The following CSMD1 variants were observed in gnomAD, a reference collection of about 807,000 sequenced individuals.
The protein encoded by CSMD1 is CUB and sushi domain-containing protein 1.
In CSMD1, 213 loss-of-function variants were observed where a neutral mutation model predicts 417.5. The observed-to-expected ratio is 0.51, with a 90% CI of 0.46 to 0.57. The LOEUF (loss-of-function observed/expected upper bound fraction) is 0.57, where lower values mean the gene tolerates loss of function less well. Ranked by LOEUF, CSMD1 falls within the 20% of genes least tolerant of loss-of-function variation. The probability of loss-of-function intolerance (pLI) is 0.00; values close to 1 mark genes in which losing one functional copy is unlikely to be tolerated. For synonymous variants in CSMD1, 2,862 were observed against 1,736.8 expected (o/e 1.65, Z -16.11); for missense variants, 6,923 against 4,529.7 (o/e 1.53, Z -15.17).
chr8:4,030,442 C>T (rs1407324012), intron 4 of CSMD1, among the ~76,000 whole-genome samples: 2 of 152,234 alleles, frequency 1.3e-5, no homozygotes, highest in Non-Finnish European at 2.9e-5. Flanking sequence ...AGGCTTACAT[C>T]CTCTGATGAC....
chr8:4,163,570 C>G (rs1797287269), intron 3 of CSMD1, among the ~76,000 whole-genome samples: 1 of 152,118 alleles, frequency 6.6e-6, no homozygotes, highest in Admixed American at 6.5e-5. Context: ...TGAATTAAAT[C>G]TAGCTAGATA....
intron 2 of CSMD1, among the ~76,000 whole-genome samples, chr8:4,467,566 T>G (rs1800258833): frequency 6.6e-6 from 1 of 152,222 alleles, no homozygotes; most frequent in African/African-American, 2.4e-5. Context: ...AATTGTTATT[T>G]TAAGAAACAA....
chr8:3,881,387 G>C lies in CSMD1; in HGVS notation c.818+116516C>G, dbSNP rs564261539. On this transcript the variant is annotated intron_variant, in intron 5 of 69. Coordinates refer to ENST00000635120, the MANE Select transcript of CSMD1 (RefSeq NM_033225.6). ...GCGGTGGCTTATGCCTATAATCCCA[G>C]CACTTTGGGAGGCCGAGGCAGGCAG... Among the ~76,000 whole-genome samples the C allele has an allele frequency of 1.8e-3, 268 of 151,294 alleles. 1 individual carries two copies. Among genetic ancestry groups the C allele is most frequent in the Non-Finnish European group, 1.6e-3 (111 of 67,822 alleles).
At chr8:3,799,287 T>C (rs975179246) in intron 5 of CSMD1, among the ~76,000 whole-genome samples, 1 of 151,978 alleles carries the variant, frequency 6.6e-6, no homozygotes, top group African/African-American at 2.4e-5. Context: ...AGGGTACATG[T>C]GCACAATGTG....
At chr8:3,357,637 T>G (rs1325022107) in intron 21 of CSMD1, among the ~76,000 whole-genome samples, 1 of 152,224 alleles carries the variant, frequency 6.6e-6, no homozygotes, top group African/African-American at 2.4e-5. Flanking sequence ...GACTACTGAC[T>G]GTTACATATC....
chr8:4,788,105 G>A (rs940526547), intron 1 of CSMD1: 3 of 1,603,348 alleles, frequency 1.9e-6, no homozygotes, highest in Non-Finnish European at 2.6e-6. Context: ...CAGAAAGTCA[G>A]TGCAGGGTTG....
At chr8:3,007,149 T>C (rs989337595) in intron 52 of CSMD1, among the ~76,000 whole-genome samples, 1 of 149,746 alleles carries the variant, frequency 6.7e-6, no homozygotes, top group Non-Finnish European at 1.5e-5. Flanking sequence ...AAGACATTTA[T>C]GCAGCCAAAA....
intron 1 of CSMD1, among the ~76,000 whole-genome samples, chr8:4,760,469 C>A (rs1470856142): frequency 1.3e-5 from 2 of 152,082 alleles, no homozygotes; most frequent in African/African-American, 4.8e-5. Context: ...ATGCTACTGA[C>A]TAATCCTGTG....
intron 1 of CSMD1, among the ~76,000 whole-genome samples, chr8:4,711,164 A>T (rs1237012629): frequency 6.6e-6 from 1 of 152,084 alleles, no homozygotes; most frequent in Non-Finnish European, 1.5e-5. Flanking sequence ...CTCACAAAAA[A>T]AAAAAACCAT....
rs142955891 is a variant in CSMD1 at position 4,905,266 on chromosome 8, G to C, written c.85+89066C>G. On this transcript the variant is annotated intron_variant, in intron 1 of 69. Transcript: ENST00000635120. ...GTAACACATTAACCAGCTATTTTCA[G>C]TCATTTGCTGAAGTTTAGGGTGCCC... 8.1e-4 allele frequency among the ~76,000 whole-genome samples: 123 copies of C among 152,190 alleles called. 2 individuals are homozygous for C. The East Asian group carries it at 0.019, about 23-fold the overall frequency.
At chr8:3,974,008 T>C (rs993053043) in intron 5 of CSMD1, among the ~76,000 whole-genome samples, 11 of 152,194 alleles carry the variant, frequency 7.2e-5, no homozygotes, top group African/African-American at 2.7e-4. Context: ...GCAATTACAC[T>C]CTTTAAGTTA....
intron 3 of CSMD1, among the ~76,000 whole-genome samples, chr8:4,377,553 G>C (rs773934593): frequency 6.6e-6 from 1 of 152,166 alleles, no homozygotes; most frequent in Non-Finnish European, 1.5e-5. Flanking sequence ...AGTTGAGTCA[G>C]TAAAGGTGCT....
At chr8:3,206,150 T>A (rs1328575474) in intron 30 of CSMD1, among the ~76,000 whole-genome samples, 3 of 151,812 alleles carry the variant, frequency 2.0e-5, no homozygotes, top group Admixed American at 2.0e-4. Context: ...TCTCTTCCTA[T>A]GAGTTCAATT....
chr8:4,342,762 A>G (rs1227503951), intron 3 of CSMD1, among the ~76,000 whole-genome samples: 1 of 152,108 alleles, frequency 6.6e-6, no homozygotes, highest in Non-Finnish European at 1.5e-5. Flanking sequence ...ACGTGTTAAA[A>G]AGAAAAATAA....
intron 5 of CSMD1, among the ~76,000 whole-genome samples, chr8:3,839,022 ATATTATATATATT>A (rs1802918672): frequency 7.8e-6 from 1 of 127,730 alleles, no homozygotes; most frequent in Admixed American, 9.3e-5. Flanking sequence ...TTATATGTTG[ATATTATATATATT>A]TATTATATAT....
At chr8:3,771,235 T>A (rs576183432) in intron 5 of CSMD1, among the ~76,000 whole-genome samples, 101 of 152,254 alleles carry the variant, frequency 6.6e-4, no homozygotes, top group African/African-American at 2.4e-3. Context: ...TTTGAAATCG[T>A]GTTTGGCTCC....
intron 4 of CSMD1, among the ~76,000 whole-genome samples, chr8:4,022,393 G>C (rs1452132823): frequency 6.6e-6 from 1 of 151,994 alleles, no homozygotes; most frequent in African/African-American, 2.4e-5. Context: ...ATTATGGGAG[G>C]ACATATTTTC....
At chr8:4,551,826 A>G (rs569946957) in intron 2 of CSMD1, among the ~76,000 whole-genome samples, 1 of 151,538 alleles carries the variant, frequency 6.6e-6, no homozygotes, top group South Asian at 2.1e-4. Context: ...TACCTGGCTT[A>G]TGCCACTACA....
At chr8:4,149,765 G>C (rs546793191) in intron 3 of CSMD1, among the ~76,000 whole-genome samples, 2 of 152,182 alleles carry the variant, frequency 1.3e-5, no homozygotes, top group African/African-American at 4.8e-5. Flanking sequence ...AGGCCTTGCT[G>C]GATGTGTCGT....
Sources: gnomAD v4.1 joint callset for allele counts (sites outside exome capture counted in the v4.1 genomes callset) on GRCh38, gnomAD v4.1.1 for gene constraint, MANE v1.5 for transcripts, NCBI Gene and HGNC (gene_info 2026-07-23, HGNC 2026-07-21) for gene names.